The following PALM2AKAP2 variants were observed in gnomAD, a reference collection of about 807,000 sequenced individuals.
The protein encoded by PALM2AKAP2 is PALM2 and AKAP2 fusion.
A neutral mutation model predicts 71.5 loss-of-function variants in PALM2AKAP2; 37 were observed. The observed-to-expected ratio is 0.52, with a 90% CI of 0.40 to 0.68. The LOEUF (loss-of-function observed/expected upper bound fraction) is 0.68, where lower values mean the gene tolerates loss of function less well. Among genes scored for constraint, PALM2AKAP2 ranks in the 30% least tolerant of loss-of-function variants. PALM2AKAP2 has a pLI of 0.00. For synonymous variants in PALM2AKAP2, 468 were observed against 478.8 expected (o/e 0.98, Z 0.29); for missense variants, 1,224 against 1,191.8 (o/e 1.03, Z -0.40).
At chr9:110,093,409 A>G (rs10980190) in intron 1 of PALM2AKAP2, among the ~76,000 whole-genome samples, 30,680 of 152,078 alleles carry the variant, frequency 0.2, 4,281 homozygotes, top group African/African-American at 0.39. Flanking sequence ...ATGAGTAAGG[A>G]AAAATGGGCT....
chr9:110,147,991 TAA>T (rs1259327460), intron 2 of PALM2AKAP2, among the ~76,000 whole-genome samples: 1 of 152,180 alleles, frequency 6.6e-6, no homozygotes, highest in Non-Finnish European at 1.5e-5. Flanking sequence ...TTCGAAAAAC[TAA>T]AGAGTAAAAA....
At chr9:110,077,996 A>G (rs1834357643) in intron 1 of PALM2AKAP2, among the ~76,000 whole-genome samples, 1 of 151,014 alleles carries the variant, frequency 6.6e-6, no homozygotes, top group South Asian at 2.1e-4. Flanking sequence ...CCTGGGTGAC[A>G]GAGTGAGACT....
chr9:110,015,927 A>G, intron 6 of PALM2AKAP2, 27 bp from the exon 7 acceptor site: 1 of 1,603,550 alleles, frequency 6.2e-7, no homozygotes. Context: ...GACTTGGCTC[A>G]AATGGCACTT....
chr9:110,109,614 C>T (rs1349995422), intron 1 of PALM2AKAP2, among the ~76,000 whole-genome samples: 4 of 152,208 alleles, frequency 2.6e-5, no homozygotes, highest in African/African-American at 7.2e-5. Flanking sequence ...TGCAAGGGGT[C>T]GCAGAGCAGC....
At chr9:109,857,730 C>T (rs1462822875) in intron 1 of PALM2AKAP2, among the ~76,000 whole-genome samples, 3 of 152,192 alleles carry the variant, frequency 2.0e-5, no homozygotes, top group African/African-American at 4.8e-5. Flanking sequence ...AAGGGCACTT[C>T]CCTTACAGTA....
intron 1 of PALM2AKAP2, among the ~76,000 whole-genome samples, chr9:109,689,939 A>G (rs931505925): frequency 6.6e-6 from 1 of 152,230 alleles, no homozygotes; most frequent in Non-Finnish European, 1.5e-5. Flanking sequence ...TAGAAGTGGA[A>G]TGAGGCCAGG....
At chr9:110,004,314 T>C (rs1832737037) in intron 6 of PALM2AKAP2, among the ~76,000 whole-genome samples, 1 of 152,182 alleles carries the variant, frequency 6.6e-6, no homozygotes, top group Non-Finnish European at 1.5e-5. Context: ...GATATGAAAT[T>C]CTGGGTTGAA....
intron 6 of PALM2AKAP2, among the ~76,000 whole-genome samples, chr9:110,005,834 G>C (rs565644091): frequency 6.6e-6 from 1 of 152,342 alleles, no homozygotes; most frequent in Admixed American, 6.5e-5. Flanking sequence ...CCAGGCGTGG[G>C]ATACAATCTC....
chr9:109,858,354 A>G (rs1268890475), intron 1 of PALM2AKAP2, among the ~76,000 whole-genome samples: 1 of 151,882 alleles, frequency 6.6e-6, no homozygotes, highest in Non-Finnish European at 1.5e-5. Flanking sequence ...ATTACTTTAT[A>G]ACTCAGGAAG....
At chr9:110,116,886 G>A (rs1040887736) in intron 1 of PALM2AKAP2, among the ~76,000 whole-genome samples, 25 of 152,156 alleles carry the variant, frequency 1.6e-4, no homozygotes, top group Non-Finnish European at 2.6e-4. Flanking sequence ...TGTTCACTGT[G>A]GCTCTATGAA....
At chr9:109,665,989 G>C (rs1031618263) in intron 1 of PALM2AKAP2, among the ~76,000 whole-genome samples, 3 of 152,264 alleles carry the variant, frequency 2.0e-5, no homozygotes, top group Non-Finnish European at 4.4e-5. Flanking sequence ...TGTGGGAGGT[G>C]CACAGCCAGG....
At chr9:109,651,592 A>G (rs1440356120) in intron 1 of PALM2AKAP2, among the ~76,000 whole-genome samples, 2 of 152,132 alleles carry the variant, frequency 1.3e-5, no homozygotes, top group African/African-American at 4.8e-5. Context: ...AACCCTTCTT[A>G]TTGCCGGGAT....
chr9:110,124,820 A>C (rs1835560433), intron 1 of PALM2AKAP2, among the ~76,000 whole-genome samples: 1 of 152,222 alleles, frequency 6.6e-6, no homozygotes, highest in Non-Finnish European at 1.5e-5. Context: ...GTAGCCACTT[A>C]AAACATATCT....
chr9:110,167,992 C>T (rs752375404), intron 3 of PALM2AKAP2, among the ~76,000 whole-genome samples: 11 of 152,180 alleles, frequency 7.2e-5, no homozygotes, highest in Admixed American at 5.9e-4. Flanking sequence ...TCAATAGCCA[C>T]GTATGGCTAG....
At chr9:109,734,336 G>C (rs903699427) in intron 1 of PALM2AKAP2, among the ~76,000 whole-genome samples, 9 of 152,146 alleles carry the variant, frequency 5.9e-5, no homozygotes, top group African/African-American at 1.9e-4. Context: ...CTAGTATAAA[G>C]AGAGTAAATT....
chr9:110,075,107 C>G (rs1834292338), intron 1 of PALM2AKAP2, among the ~76,000 whole-genome samples: 1 of 152,156 alleles, frequency 6.6e-6, no homozygotes, highest in Non-Finnish European at 1.5e-5. Flanking sequence ...TGTCAATTGA[C>G]AATCTTGAAA....
chr9:109,779,830 C>T (rs1829405172), upstream of PALM2AKAP2, among the ~76,000 whole-genome samples: 1 of 152,176 alleles, frequency 6.6e-6, no homozygotes, highest in African/African-American at 2.4e-5. Context: ...GTGCCCTGAA[C>T]ACTCGGTGGC....
intron 1 of PALM2AKAP2, among the ~76,000 whole-genome samples, chr9:109,682,648 T>TA (rs1827753738): frequency 6.6e-6 from 1 of 152,234 alleles, no homozygotes; most frequent in Non-Finnish European, 1.5e-5. Flanking sequence ...CTTGACCTTT[T>TA]ATTTTTTTGG....
At chr9:110,138,494 A>G (rs765655099) in exon 2 of PALM2AKAP2, 3 of 1,613,688 alleles carry the variant, frequency 1.9e-6, no homozygotes, top group Non-Finnish European at 2.5e-6. Flanking sequence ...CAGGACAAAG[A>G]ATGCCCCATC....
Sources: gnomAD v4.1 joint callset for allele counts (sites outside exome capture counted in the v4.1 genomes callset) on GRCh38, gnomAD v4.1.1 for gene constraint, MANE v1.5 for transcripts, NCBI Gene and HGNC (gene_info 2026-07-23, HGNC 2026-07-21) for gene names.